FLYWCH1: variants seen among roughly 807,000 people sequenced by gnomAD.
FLYWCH1 encodes FLYWCH-type zinc finger-containing protein 1.
Under a neutral mutation model 66.4 loss-of-function variants are expected in FLYWCH1, and 75 were observed. The ratio of observed to expected loss-of-function variants is 1.13; its 90% CI spans 0.94 to 1.37. The LOEUF is 1.37. FLYWCH1 is among the 40% of genes most tolerant of loss of function. The pLI is 0.00. For missense variants in FLYWCH1, 1,334 were observed against 1,001.8 expected (o/e 1.33, Z -4.48); for synonymous variants, 595 against 429.9 (o/e 1.38, Z -4.75).
At position 2,933,710 on chromosome 16, in the gene FLYWCH1, C is replaced by T. The variant is rs1347615514; in HGVS notation, c.1250-6C>T. On this transcript the variant is annotated splice_polypyrimidine_tract_variant and splice_region_variant and intron_variant, in intron 5 of 9. Transcript: ENST00000253928. ...CCTCCCCTGACTGCCTCTTGAACCTCCCCAGGAGGCCCTGAGTTCCTGAAG... is the reference window on the plus strand; with the variant it reads ...CCTCCCCTGACTGCCTCTTGAACCTTCCCAGGAGGCCCTGAGTTCCTGAAG... 1.9e-6 allele frequency: 3 copies of T among 1,610,712 alleles called. No individual in the cohort carries two copies. In the South Asian group the frequency reaches 3.3e-5, roughly 18 times the overall value.
chr16:2,927,873 A>G (rs1356287389), intron 2 of FLYWCH1, among the ~76,000 whole-genome samples: 1 of 152,202 alleles, frequency 6.6e-6, no homozygotes, highest in Non-Finnish European at 1.5e-5. Context: ...ATGTGCGAGG[A>G]CCCGCACTGG....
In FLYWCH1 at chr16:2,933,771, C is replaced by A. The variant is rs748860354; in HGVS notation, c.1305C>A (p.Ser435=). The part of the protein sequence containing the change: ...PLGGSFLVYE[S]FLYRREKAAG... ...GGGGCAGCTTCCTGGTGTACGAGTCCTTCCTCTACCGGCGGGAGAAGGCGG... is the reference window on the plus strand; with the variant it reads ...GGGGCAGCTTCCTGGTGTACGAGTCATTCCTCTACCGGCGGGAGAAGGCGG... The change falls in exon 6 of 10, where the codon TCC becomes TCA. Residue 435 remains serine, a synonymous_variant. Coordinates refer to ENST00000253928, the MANE Select transcript of FLYWCH1 (RefSeq NM_001308068.2). 2 of 1,608,736 alleles carry A rather than the reference C, an allele frequency of 1.2e-6. No homozygotes were observed. The highest frequency in any genetic ancestry group is 2.3e-5 in the East Asian group (1 of 44,334).
chr16:2,943,773 T>C (rs1328317255), intron 9 of FLYWCH1, among the ~76,000 whole-genome samples: 1 of 151,600 alleles, frequency 6.6e-6, no homozygotes, highest in Non-Finnish European at 1.5e-5. Flanking sequence ...CTGTCTCTAC[T>C]CAAAATACAA....
Position 2,949,035 on chromosome 16 carries a change from G to T in FLYWCH1, c.*308G>T. ...TGGACACGGACGCCCCTGCTGTACG[G>T]CCACAGCACCCCTGGGTTTGCAGAG... is the stretch of plus-strand genomic sequence containing the variant. On this transcript the variant is annotated 3_prime_UTR_variant, in exon 10 of 10. Transcript: ENST00000253928. 1 of 421,536 alleles carries T rather than the reference G, an allele frequency of 2.4e-6. No individual in the cohort carries two copies. The highest frequency in any genetic ancestry group is 5.0e-5 in the East Asian group (1 of 20,004). 26.1% of individuals were successfully genotyped at this position (421,536 alleles called of 1,614,324 possible).
At chr16:2,917,557 G>T (rs2070215623) in intron 2 of FLYWCH1, among the ~76,000 whole-genome samples, 1 of 151,872 alleles carries the variant, frequency 6.6e-6, no homozygotes, top group African/African-American at 2.4e-5. Flanking sequence ...CATTAATGAG[G>T]AAACCTGTAT....
chr16:2,915,023 AAAG>A (rs978342218), intron 2 of FLYWCH1, among the ~76,000 whole-genome samples: 5 of 150,922 alleles, frequency 3.3e-5, no homozygotes, highest in African/African-American at 1.2e-4. Context: ...GTAAAAAAAA[AAAG>A]CACTTAAACT....
chr16:2,922,947 A>ACG lies in FLYWCH1; in HGVS notation c.-73-6666_-73-6665insCG, dbSNP rs2070427005. 1.5e-4 allele frequency: 77 copies of ACG among 523,682 alleles called. 1 individual carries two copies. Among genetic ancestry groups the ACG allele is most frequent in the South Asian group, 1.1e-3 (76 of 72,242 alleles). The allele number at this position is 523,682 out of a possible 1,614,324, so 32.4% of individuals were successfully genotyped here. On this transcript the variant is annotated intron_variant, in intron 2 of 9. Transcript: ENST00000253928. ...CTCCTGGGGGCGCTCTTCCGAGGATATTTGGGCTGCCTCCGGAGTCGCAGT... is the reference window on the plus strand; with the variant it reads ...CTCCTGGGGGCGCTCTTCCGAGGATACGTTTGGGCTGCCTCCGGAGTCGCAGT...
intron 2 of FLYWCH1, among the ~76,000 whole-genome samples, chr16:2,915,796 C>T (rs546473863): frequency 3.6e-5 from 5 of 137,018 alleles, no homozygotes; most frequent in Middle Eastern, 3.8e-3. Flanking sequence ...GACTCTGTGT[C>T]GAGAGAAAAA....
intron 7 of FLYWCH1, among the ~76,000 whole-genome samples, chr16:2,937,655 CAG>C (rs1222602196): frequency 6.6e-6 from 1 of 152,138 alleles, no homozygotes; most frequent in Non-Finnish European, 1.5e-5. Context: ...TTGGCAGCCA[CAG>C]AGAGTGCTTG....
chr16:2,918,048 G>T (rs905808724), intron 2 of FLYWCH1, among the ~76,000 whole-genome samples: 1 of 151,340 alleles, frequency 6.6e-6, no homozygotes, highest in African/African-American at 2.4e-5. Flanking sequence ...CATGTTGGCC[G>T]GGCTTGTCTT....
At chr16:2,937,978 A>C (rs1226844259) in intron 7 of FLYWCH1, among the ~76,000 whole-genome samples, 1 of 152,148 alleles carries the variant, frequency 6.6e-6, no homozygotes, top group Non-Finnish European at 1.5e-5. Context: ...CCACGTGCCC[A>C]GTCATCCCCA....
Position 2,938,220 on chromosome 16 carries a change from T to A in FLYWCH1, c.1814T>A (p.Leu605Gln). The A allele has an allele frequency of 6.2e-7, 1 of 1,613,032 alleles. No homozygotes were observed. The highest frequency in any genetic ancestry group is 8.5e-7 in the Non-Finnish European group (1 of 1,179,584). Residue 605 changes from leucine to glutamine, a missense_variant, in exon 8 of 10, where the codon CTG becomes CAG. Transcript: ENST00000253928. ...CCCCTGGAGTTCCTGAGGACTTCCC[T>A]GGGGGGCAGGTTCCTGGTGCACGAG... is the stretch of plus-strand genomic sequence containing the variant. ...LRPLEFLRTS[L>Q]GGRFLVHESF...
At chr16:2,924,852 T>C (rs554068223) in intron 2 of FLYWCH1, among the ~76,000 whole-genome samples, 1 of 152,358 alleles carries the variant, frequency 6.6e-6, no homozygotes, top group East Asian at 1.9e-4. Flanking sequence ...ATTGGAACTT[T>C]TTCCAGATCT....
At chr16:2,937,468 TG>T (rs1377721612) in intron 7 of FLYWCH1, 84 bp downstream of exon 7, 9 of 1,394,130 alleles carry the variant, frequency 6.5e-6, no homozygotes, top group Non-Finnish European at 8.4e-6. Context: ...GCCCGTGGGG[TG>T]TTGTGTGTTG....
Position 2,933,291 on chromosome 16 carries a change from G to A in FLYWCH1, c.958G>A (p.Gly320Arg), listed in dbSNP as rs2150961863. The change falls in exon 5 of 10, where the codon GGA (glycine) becomes AGA (arginine). Residue 320 changes from glycine (G) to arginine (R), a missense_variant. By Grantham distance (125) the Gly-to-Arg change is moderately radical. Coordinates refer to ENST00000253928, the MANE Select transcript of FLYWCH1 (RefSeq NM_001308068.2). ...HGCRSRAITQGQRVTVMRGHC... is the reference protein window; with the variant it reads ...HGCRSRAITQRQRVTVMRGHC... Reference sequence around the variant, plus strand: ...CTGCCGGAGCCGGGCCATCACCCAGGGACAGCGGGTGACTGTGATGCGTGG... The same window carrying A: ...CTGCCGGAGCCGGGCCATCACCCAGAGACAGCGGGTGACTGTGATGCGTGG... 4 of 1,612,332 alleles carry A rather than the reference G, an allele frequency of 2.5e-6. No homozygotes were observed. The African/African-American group carries it at 4.0e-5, about 16-fold the overall frequency.
rs980932772 is a variant in FLYWCH1, at chr16:2,948,978, T to A, written c.*251T>A. The A allele has an allele frequency of 5.8e-6, 3 of 518,190 alleles. No homozygotes were observed. Among genetic ancestry groups the A allele is most frequent in the South Asian group, 2.1e-5 (1 of 48,230 alleles). The allele number at this position is 518,190 out of a possible 1,614,324, so 32.1% of individuals were successfully genotyped here. On this transcript the variant is annotated 3_prime_UTR_variant, in exon 10 of 10. Coordinates refer to ENST00000253928, the MANE Select transcript of FLYWCH1 (RefSeq NM_001308068.2). ...GTCGTGGGGCAGGGCGGTGGCGCCTTCCTGACCTTTGGAAGACATGACAAA... is the reference window on the plus strand; with the variant it reads ...GTCGTGGGGCAGGGCGGTGGCGCCTACCTGACCTTTGGAAGACATGACAAA...
At chr16:2,918,337 C>T (rs1487142741) in intron 2 of FLYWCH1, among the ~76,000 whole-genome samples, 7 of 151,786 alleles carry the variant, frequency 4.6e-5, no homozygotes, top group African/African-American at 9.7e-5. Flanking sequence ...TTAGTAGAGA[C>T]GGGGTTTCAC....
chr16:2,933,907 C>T lies in FLYWCH1; in HGVS notation c.1441C>T (p.Pro481Ser), dbSNP rs868101437. 1.3e-6 allele frequency: 2 copies of T among 1,578,670 alleles called. No individual in the cohort carries two copies. The highest frequency in any genetic ancestry group is 1.2e-5 in the South Asian group (1 of 86,866). The change falls in exon 6 of 10, where the codon CCC (proline) becomes TCC (serine). Residue 481 changes from proline to serine, a missense_variant. Coordinates refer to ENST00000253928, the MANE Select transcript of FLYWCH1 (RefSeq NM_001308068.2). ...TGTCATGCGTGGTCACTGCCACCCG[C>T]CCGACCTGGGAGGCCTGGAGGCCCT... ...VTVMRGHCHP[P>S]DLGGLEALRQ...
In FLYWCH1 at chr16:2,933,957, C is replaced by A. The variant is rs2070888011; in HGVS notation, c.1491C>A (p.Asn497Lys). The stretch of plus-strand genomic sequence containing the variant: ...TGAGGCAGCGGGAGAAACGCCCCAA[C>A]ACGGCGCAGCGGGGGAGCCCAGGTA... ...EALRQREKRP[N>K]TAQRGSPGGP... Residue 497 changes from asparagine (N) to lysine (K), a missense_variant, in exon 6 of 10, where the codon AAC becomes AAA. Asn to Lys is a moderately conservative substitution (Grantham distance 94). Transcript: ENST00000253928. The A allele has an allele frequency of 3.2e-6, 5 of 1,551,126 alleles. No homozygotes were observed. Among genetic ancestry groups the A allele is most frequent in the East Asian group, 2.4e-5 (1 of 41,446 alleles).
Sources: allele counts gnomAD v4.1 joint callset (sites outside exome capture counted in the v4.1 genomes callset), GRCh38; gene constraint gnomAD v4.1.1; transcripts MANE v1.5; gene names NCBI Gene and HGNC (gene_info 2026-07-23, HGNC 2026-07-21).